ANO10: variants seen among roughly 807,000 people sequenced by gnomAD.
ANO10 encodes the protein anoctamin-10.
A neutral mutation model predicts 74.7 loss-of-function variants in ANO10; 77 were observed. The observed-to-expected ratio is 1.03, with a 90% CI of 0.86 to 1.25. The LOEUF (loss-of-function observed/expected upper bound fraction) is 1.25, where lower values mean the gene tolerates loss of function less well. ANO10 is among the 50% of genes most tolerant of loss of function. ANO10 has a pLI of 0.00. For synonymous variants in ANO10, 279 were observed against 284.9 expected (o/e 0.98, Z 0.21); for missense variants, 721 against 778.1 (o/e 0.93, Z 0.87).
chr3:43,686,959 A>G (rs751513897), intron 1 of ANO10, among the ~76,000 whole-genome samples: 1 of 152,118 alleles, frequency 6.6e-6, no homozygotes, highest in Non-Finnish European at 1.5e-5. Flanking sequence ...GATCCACAGA[A>G]GTCTGCATGC....
At chr3:43,462,322 C>T (rs183776237) in intron 11 of ANO10, among the ~76,000 whole-genome samples, 100 of 152,248 alleles carry the variant, frequency 6.6e-4, no homozygotes, top group African/African-American at 2.4e-3. Context: ...CTCCGCCTCC[C>T]AGGTTCAAGT....
chr3:43,536,749 T>C (rs1289040420), intron 11 of ANO10, among the ~76,000 whole-genome samples: 1 of 152,084 alleles, frequency 6.6e-6, no homozygotes, highest in Non-Finnish European at 1.5e-5. Context: ...GATTAACTGG[T>C]TTTCGGTTGC....
intron 1 of ANO10, among the ~76,000 whole-genome samples, chr3:43,655,076 C>T (rs1454522446): frequency 1.3e-5 from 2 of 152,200 alleles, no homozygotes; most frequent in African/African-American, 4.8e-5. Context: ...AAGCTTCTAA[C>T]AATCATTTTC....
At chr3:43,459,447 G>C (rs908148852) in intron 11 of ANO10, among the ~76,000 whole-genome samples, 1 of 152,178 alleles carries the variant, frequency 6.6e-6, no homozygotes, top group Non-Finnish European at 1.5e-5. Flanking sequence ...AAGGGTGAGG[G>C]AGGGCTTGCT....
At chr3:43,388,058 A>C (rs1463395876) in intron 12 of ANO10, among the ~76,000 whole-genome samples, 1 of 152,208 alleles carries the variant, frequency 6.6e-6, no homozygotes. Context: ...ATCTGTGAAA[A>C]GTAAATTACT....
At chr3:43,369,838 C>T (rs530158666) in intron 12 of ANO10, among the ~76,000 whole-genome samples, 2 of 152,226 alleles carry the variant, frequency 1.3e-5, no homozygotes, top group Admixed American at 1.3e-4. Flanking sequence ...TGCAACAGCC[C>T]GCTTTCCTGA....
intron 4 of ANO10, among the ~76,000 whole-genome samples, chr3:43,583,918 A>T (rs1359266242): frequency 8.5e-5 from 13 of 152,246 alleles, no homozygotes; most frequent in Non-Finnish European, 2.9e-5. Context: ...ATCAATCAAA[A>T]CATGATAATC....
intron 11 of ANO10, among the ~76,000 whole-genome samples, chr3:43,489,270 T>C (rs932527632): frequency 6.6e-6 from 1 of 151,684 alleles, no homozygotes; most frequent in African/African-American, 2.4e-5. Flanking sequence ...TGTATACATA[T>C]GTAACTAACC....
intron 1 of ANO10, among the ~76,000 whole-genome samples, chr3:43,628,806 A>G (rs1156395699): frequency 6.6e-6 from 1 of 152,140 alleles, no homozygotes; most frequent in Non-Finnish European, 1.5e-5. Flanking sequence ...TTGGAAGAGG[A>G]AATTCCCACC....
At chr3:43,683,131 AAGTCTAATTGTCCCTGT>A (rs1263780132) in intron 1 of ANO10, among the ~76,000 whole-genome samples, 1 of 152,208 alleles carries the variant, frequency 6.6e-6, no homozygotes, top group Non-Finnish European at 1.5e-5. Context: ...GGAAAAGAGG[AAGTCTAATTGTCCCTGT>A]TTGCAGATGA....
At chr3:43,534,978 CTT>C (rs576349934) in intron 11 of ANO10, among the ~76,000 whole-genome samples, 7 of 144,026 alleles carry the variant, frequency 4.9e-5, no homozygotes, top group Admixed American at 6.9e-5. Context: ...AGATTTTTTT[CTT>C]TTTTTTTTTT....
chr3:43,651,281 T>C (rs2083783910), intron 1 of ANO10, among the ~76,000 whole-genome samples: 1 of 148,662 alleles, frequency 6.7e-6, no homozygotes, highest in Admixed American at 6.6e-5. Flanking sequence ...TTTAATAGTG[T>C]ACAGAAGAAA....
chr3:43,597,811 G>A (rs1476440272), intron 4 of ANO10, among the ~76,000 whole-genome samples: 1 of 151,868 alleles, frequency 6.6e-6, no homozygotes, highest in Non-Finnish European at 1.5e-5. Flanking sequence ...CCCAGCTACT[G>A]GGGAGGCTAA....
chr3:43,428,427 C>T (rs1389244874), intron 12 of ANO10, among the ~76,000 whole-genome samples: 1 of 152,090 alleles, frequency 6.6e-6, no homozygotes, highest in African/African-American at 2.4e-5. Flanking sequence ...AATACTTCTT[C>T]TGGGTTTGCA....
At chr3:43,382,248 G>A (rs551951427) in intron 12 of ANO10, among the ~76,000 whole-genome samples, 15 of 152,192 alleles carry the variant, frequency 9.9e-5, no homozygotes, top group Non-Finnish European at 1.6e-4. Flanking sequence ...GGCCGGGCGC[G>A]GTGGCTCACG....
At chr3:43,594,928 GA>G (rs1184463451) in intron 4 of ANO10, among the ~76,000 whole-genome samples, 20 of 152,044 alleles carry the variant, frequency 1.3e-4, no homozygotes, top group Admixed American at 2.0e-4. Context: ...TGATAAAGGG[GA>G]TATCACCACC....
At chr3:43,470,501 G>A (rs1041153005) in intron 11 of ANO10, among the ~76,000 whole-genome samples, 6 of 152,132 alleles carry the variant, frequency 3.9e-5, no homozygotes, top group Non-Finnish European at 8.8e-5. Flanking sequence ...CTACAGGCGC[G>A]CCTGGCTAAT....
intron 1 of ANO10, among the ~76,000 whole-genome samples, chr3:43,660,885 C>T (rs1003852027): frequency 2.6e-5 from 4 of 152,108 alleles, no homozygotes; most frequent in East Asian, 1.9e-4. Flanking sequence ...ACCCAGGAGA[C>T]GGAGGTTGCG....
intron 11 of ANO10, among the ~76,000 whole-genome samples, chr3:43,501,113 T>C (rs775285862): frequency 2.0e-5 from 3 of 152,174 alleles, no homozygotes; most frequent in Non-Finnish European, 4.4e-5. Context: ...TGTCTCATGA[T>C]TTTTCAGGCT....
Sources: allele counts gnomAD v4.1 joint callset (sites outside exome capture counted in the v4.1 genomes callset), GRCh38; gene constraint gnomAD v4.1.1; transcripts MANE v1.5; gene names NCBI Gene and HGNC (gene_info 2026-07-23, HGNC 2026-07-21).